MYH11: variants seen among roughly 807,000 people sequenced by gnomAD.
MYH11 encodes the protein myosin heavy chain 11.
In MYH11, 80 loss-of-function variants were observed where a neutral mutation model predicts 246.6. The observed-to-expected ratio is 0.32, with a 90% CI of 0.27 to 0.39. The LOEUF (loss-of-function observed/expected upper bound fraction) is 0.39, where lower values mean the gene tolerates loss of function less well. Ranked by LOEUF, MYH11 falls within the 10% of genes least tolerant of loss-of-function variation. The pLI is 1.00. For missense variants in MYH11, 2,158 were observed against 2,546.8 expected (o/e 0.85, Z 3.29); for synonymous variants, 1,071 against 1,015.5 (o/e 1.05, Z -1.04).
chr16:15,710,067 C>T (rs780393595), intron 40 of MYH11, among the ~76,000 whole-genome samples: 1 of 152,170 alleles, frequency 6.6e-6, no homozygotes, highest in South Asian at 2.1e-4. Flanking sequence ...TTTGTGCACC[C>T]AAAAGATGCA....
intron 4 of MYH11, among the ~76,000 whole-genome samples, chr16:15,788,796 A>ATGTGTGTGTGTG (rs1491190476): frequency 2.1e-5 from 2 of 94,882 alleles, no homozygotes; most frequent in East Asian, 2.3e-4. Context: ...AGACCAGAAT[A>ATGTGTGTGTGTG]TATGTGTGTG....
chr16:15,792,894 C>T (rs970722117), intron 4 of MYH11, among the ~76,000 whole-genome samples: 2 of 152,108 alleles, frequency 1.3e-5, no homozygotes, highest in Admixed American at 6.5e-5. Flanking sequence ...CATGCCATCA[C>T]GCTCAGCTAA....
chr16:15,738,402 G>T (rs551792655), intron 24 of MYH11, among the ~76,000 whole-genome samples, 163 bp downstream of exon 24: 1 of 152,110 alleles, frequency 6.6e-6, no homozygotes, highest in Non-Finnish European at 1.5e-5. Context: ...AGTCTCAGCT[G>T]CTCAGGAGGC....
intron 2 of MYH11, among the ~76,000 whole-genome samples, chr16:15,829,921 G>A (rs918856349): frequency 6.6e-6 from 1 of 152,148 alleles, no homozygotes; most frequent in South Asian, 2.1e-4. Context: ...GATCACCTGA[G>A]GTCAAGAGTT....
chr16:15,790,962 T>C (rs972957508), intron 4 of MYH11: 5 of 147,320 alleles, frequency 3.4e-5, no homozygotes, highest in Non-Finnish European at 4.5e-5. Flanking sequence ...TTTCTTTTTT[T>C]TTTTTTTTTT....
chr16:15,733,434 T>C (rs1331995199), intron 26 of MYH11, among the ~76,000 whole-genome samples: 2 of 150,160 alleles, frequency 1.3e-5, no homozygotes, highest in Non-Finnish European at 3.0e-5. Flanking sequence ...GGTTTCAACA[T>C]GTTGGTCAGG....
intron 31 of MYH11, among the ~76,000 whole-genome samples, chr16:15,722,460 A>G (rs1009940657): frequency 1.4e-4 from 22 of 152,214 alleles, no homozygotes; most frequent in Admixed American, 3.9e-4. Context: ...CCAAACTTCC[A>G]GTATTCAGCA....
At chr16:15,794,342 T>C (rs984812582) in intron 4 of MYH11, among the ~76,000 whole-genome samples, 2 of 152,220 alleles carry the variant, frequency 1.3e-5, no homozygotes, top group African/African-American at 4.8e-5. Context: ...TGCTGTCAAC[T>C]TGTAGGTCCT....
chr16:15,733,830 ACC>A (rs2151238079), intron 26 of MYH11, among the ~76,000 whole-genome samples: 2 of 152,306 alleles, frequency 1.3e-5, no homozygotes, highest in East Asian at 3.9e-4. Flanking sequence ...GGCATGAGCC[ACC>A]ATACCTGGCC....
rs755183526 is a variant in MYH11 at position 15,721,670 on chromosome 16, A to G, written c.4366-36T>C. On this transcript the variant is annotated intron_variant, in intron 31 of 40. Coordinates refer to ENST00000300036, the MANE Select transcript of MYH11 (RefSeq NM_002474.3). ...AGACCCAGAGGTGACTTCTAGGCATATCCGGGGTCAGCGTCACTGAATTGT... is the reference window on the plus strand; with the variant it reads ...AGACCCAGAGGTGACTTCTAGGCATGTCCGGGGTCAGCGTCACTGAATTGT... 6.2e-6 allele frequency: 10 copies of G among 1,607,188 alleles called. No homozygotes were observed. In the South Asian group the frequency reaches 9.9e-5, roughly 16 times the overall value.
intron 3 of MYH11, among the ~76,000 whole-genome samples, chr16:15,808,296 C>T (rs2043060726): frequency 6.6e-6 from 1 of 152,182 alleles, no homozygotes; most frequent in South Asian, 2.1e-4. Context: ...CGTGTCCCTA[C>T]ACACTGACCG....
intron 4 of MYH11, among the ~76,000 whole-genome samples, chr16:15,787,601 G>A (rs912614343): frequency 6.7e-6 from 1 of 148,274 alleles, no homozygotes; most frequent in Non-Finnish European, 1.5e-5. Context: ...AGCCTCCCAA[G>A]TAGCTGGGAC....
chr16:15,810,491 G>C (rs924316925), intron 3 of MYH11, among the ~76,000 whole-genome samples: 2 of 152,140 alleles, frequency 1.3e-5, no homozygotes, highest in African/African-American at 4.8e-5. Flanking sequence ...CCTCTGTAAA[G>C]ACTGAGCCAG....
chr16:15,833,521 A>G (rs1288848172), intron 2 of MYH11, among the ~76,000 whole-genome samples: 1 of 152,102 alleles, frequency 6.6e-6, no homozygotes, highest in African/African-American at 2.4e-5. Flanking sequence ...CCCGCCAGGT[A>G]TGCCACAAAC....
At chr16:15,840,284 T>G (rs1266133459) in intron 1 of MYH11, among the ~76,000 whole-genome samples, 2 of 152,098 alleles carry the variant, frequency 1.3e-5, no homozygotes, top group African/African-American at 4.8e-5. Flanking sequence ...TTCCAAGAGC[T>G]AGAAGAAGGA....
At chr16:15,843,686 T>A (rs1252851183) in intron 1 of MYH11, among the ~76,000 whole-genome samples, 3 of 136,320 alleles carry the variant, frequency 2.2e-5, no homozygotes, top group Non-Finnish European at 3.1e-5. Context: ...GACGACAGAG[T>A]GAGACTCCGT....
intron 40 of MYH11, among the ~76,000 whole-genome samples, chr16:15,709,773 A>G (rs1306791758): frequency 1.3e-5 from 2 of 152,230 alleles, no homozygotes; most frequent in East Asian, 3.8e-4. Context: ...AGTCCCAGGC[A>G]AGGAACCTGC....
At chr16:15,720,728 G>A in intron 33 of MYH11, 111 bp downstream of exon 33, 1 of 1,243,776 alleles carries the variant, frequency 8.0e-7, no homozygotes, top group Non-Finnish European at 1.2e-6. Context: ...GCGAGACTCT[G>A]TTTCAAAAAA....
intron 3 of MYH11, among the ~76,000 whole-genome samples, chr16:15,814,149 A>C (rs1488351480): frequency 1.1e-5 from 1 of 91,468 alleles, no homozygotes; most frequent in Non-Finnish European, 2.2e-5. Flanking sequence ...CCAAAAAAAA[A>C]CAAACAAACC....
Sources: gnomAD v4.1 joint callset for allele counts (sites outside exome capture counted in the v4.1 genomes callset) on GRCh38, gnomAD v4.1.1 for gene constraint, MANE v1.5 for transcripts, NCBI Gene and HGNC (gene_info 2026-07-23, HGNC 2026-07-21) for gene names.